NHSL2: variants seen among roughly 807,000 people sequenced by gnomAD.
The protein encoded by NHSL2 is NHS-like protein 2.
A neutral mutation model predicts 53.4 loss-of-function variants in NHSL2; 27 were observed. The ratio of observed to expected loss-of-function variants is 0.51; its 90% confidence interval spans 0.37 to 0.70. NHSL2 has a LOEUF of 0.70. Among genes scored for constraint, NHSL2 ranks in the 30% least tolerant of loss-of-function variants. NHSL2 has a pLI of 0.00. For synonymous variants in NHSL2, 408 were observed against 404.1 expected (o/e 1.01, Z -0.12); for missense variants, 892 against 980.1 (o/e 0.91, Z 1.20).
chrX:72,040,474 T>C (rs1025840786), intron 1 of NHSL2, among the ~76,000 whole-genome samples: 1 of 112,244 alleles, frequency 8.9e-6, no homozygotes, highest in African/African-American at 3.2e-5. Context: ...ACATTGAACC[T>C]CAGAGAGGTT....
chrX:72,075,694 A>G (rs899635650), intron 1 of NHSL2, among the ~76,000 whole-genome samples: 1 of 111,605 alleles, frequency 9.0e-6, no homozygotes, highest in Non-Finnish European at 1.9e-5. Flanking sequence ...AGTTGGAATT[A>G]ATAGTGCCTA....
At chrX:72,123,087 G>A (rs1192425502) in intron 1 of NHSL2, among the ~76,000 whole-genome samples, 10 of 112,088 alleles carry the variant, frequency 8.9e-5, no homozygotes, top group Admixed American at 8.5e-4. Flanking sequence ...AGGCAGTTTC[G>A]CGGAGGAAGT....
rs778956400 is a variant in NHSL2 at position 72,144,583 on chromosome X, GT to G, written c.*1010del. 9.9e-7 allele frequency: 1 copy of G among 1,012,903 alleles called. No homozygotes were observed. 83.5% of individuals were successfully genotyped at this position (1,012,903 alleles called of 1,213,427 possible). A position where few individuals can be genotyped will look rare whatever the true frequency, so the allele number is the denominator to read the frequency against. On this transcript the variant is annotated 3_prime_UTR_variant, in exon 8 of 8. Coordinates refer to ENST00000633930, the MANE Select transcript of NHSL2 (RefSeq NM_001013627.3). ...CACCAGTCAATTCAGATCGTGGTTT[GT>G]GGTTGGTTTGGTTTTGTTTAAAGGA...
In NHSL2 at chrX:72,139,173, C is replaced by T; in HGVS notation, c.1625C>T (p.Ser542Phe). Residue 542 changes from serine (S) to phenylalanine (F), a missense_variant, in exon 6 of 8, where the codon TCC becomes TTC. Transcript: ENST00000633930. ...AGTAACAGTGCTGACAACATTGCCT[C>T]CCTTAGTGCCCAGCAAGAGGCCCAG... ...EGSNSADNIASLSAQQEAQHR... is the reference protein window; with the variant it reads ...EGSNSADNIAFLSAQQEAQHR... 2 of 1,174,040 alleles carry T rather than the reference C, an allele frequency of 1.7e-6. No homozygotes were observed. Among genetic ancestry groups the T allele is most frequent in the Non-Finnish European group, 2.3e-6 (2 of 876,155 alleles).
At chrX:72,040,129 A>C (rs765083457) in intron 1 of NHSL2, among the ~76,000 whole-genome samples, 3 of 111,900 alleles carry the variant, frequency 2.7e-5, no homozygotes, top group Non-Finnish European at 3.8e-5. Flanking sequence ...AATTGAGTTT[A>C]TCTCTCTCTT....
intron 2 of NHSL2, among the ~76,000 whole-genome samples, chrX:72,133,368 T>C (rs1394384815): frequency 8.9e-6 from 1 of 112,407 alleles, no homozygotes; most frequent in Non-Finnish European, 1.9e-5. Flanking sequence ...TCTCTGTGAT[T>C]CTGAGTCTTT....
chrX:72,131,402 G>T (rs755664602), intron 1 of NHSL2: 3 of 1,211,196 alleles, frequency 2.5e-6, no homozygotes, highest in Non-Finnish European at 3.4e-6. Flanking sequence ...ACATTGCCCC[G>T]CAAGGAATTA....
intron 1 of NHSL2, among the ~76,000 whole-genome samples, chrX:72,002,954 T>C (rs2042077987): frequency 9.0e-6 from 1 of 111,036 alleles, no homozygotes; most frequent in Admixed American, 9.6e-5. Flanking sequence ...TGGAACCCAT[T>C]TGGTGAGTCA....
intron 1 of NHSL2, among the ~76,000 whole-genome samples, chrX:72,105,215 G>A (rs2042027960): frequency 9.1e-6 from 1 of 109,365 alleles, no homozygotes; most frequent in African/African-American, 3.3e-5. Flanking sequence ...TTGGAGAAGA[G>A]ACTCAACCGT....
intron 1 of NHSL2, among the ~76,000 whole-genome samples, chrX:71,978,072 C>T (rs72630026): frequency 0.15 from 16,971 of 111,580 alleles, 1,834 homozygotes; most frequent in African/African-American, 0.37. Flanking sequence ...AGAATAACAA[C>T]TCTATCATGG....
intron 1 of NHSL2, among the ~76,000 whole-genome samples, chrX:72,081,065 T>C (rs2041787756): frequency 8.9e-6 from 1 of 112,505 alleles, no homozygotes; most frequent in African/African-American, 3.2e-5. Flanking sequence ...ACTGAGTCCA[T>C]GCTGTGTCTC....
intron 1 of NHSL2, among the ~76,000 whole-genome samples, chrX:72,077,378 G>C (rs2041753260): frequency 1.8e-5 from 2 of 110,704 alleles, no homozygotes; most frequent in South Asian, 7.7e-4. Flanking sequence ...AGGGTACAGA[G>C]CGAGGTTGGA....
intron 1 of NHSL2, among the ~76,000 whole-genome samples, chrX:72,082,229 A>G (rs1438917513): frequency 1.8e-5 from 2 of 111,268 alleles, no homozygotes; most frequent in Non-Finnish European, 3.8e-5. Flanking sequence ...AGCCAGAGAG[A>G]AGAAAATGTA....
chrX:72,039,020 C>A (rs1265843666), intron 1 of NHSL2, among the ~76,000 whole-genome samples: 2 of 110,934 alleles, frequency 1.8e-5, no homozygotes, highest in East Asian at 2.8e-4. Context: ...ACCTTTTCTC[C>A]TCTGCTTTCC....
At chrX:72,009,407 C>A (rs1233031891) in intron 1 of NHSL2, among the ~76,000 whole-genome samples, 1 of 112,720 alleles carries the variant, frequency 8.9e-6, no homozygotes, top group African/African-American at 3.2e-5. Flanking sequence ...TTGATGCCAT[C>A]CACACAGGTC....
chrX:71,964,045 A>ATG (rs1282027192), intron 1 of NHSL2, among the ~76,000 whole-genome samples: 4,798 of 72,637 alleles, frequency 0.066, 729 homozygotes, highest in African/African-American at 0.2. Flanking sequence ...ATATATATGT[A>ATG]TATATATATA....
chrX:72,070,751 C>CCA (rs1202058969), intron 1 of NHSL2, among the ~76,000 whole-genome samples: 26 of 108,570 alleles, frequency 2.4e-4, no homozygotes, highest in Middle Eastern at 4.7e-3. Context: ...ACCACCACCA[C>CCA]CACACACACA....
rs748284764 is a variant in NHSL2 at position 71,975,797 on chromosome X, T to C, written c.280+64430T>C. On this transcript the variant is annotated intron_variant, in intron 1 of 7. Transcript: ENST00000633930. ...TCTGTCTCAGGGAGAAAGCTGCTGC[T>C]GGCCCTACCACTAGTATCCTGTGAG... 4.5e-5 allele frequency among the ~76,000 whole-genome samples: 5 copies of C among 112,022 alleles called. No homozygotes were observed. In the South Asian group the frequency reaches 1.5e-3, roughly 33 times the overall value.
intron 1 of NHSL2, among the ~76,000 whole-genome samples, chrX:72,018,171 G>T (rs1178353401): frequency 4.5e-5 from 5 of 111,841 alleles, no homozygotes; most frequent in Non-Finnish European, 7.5e-5. Context: ...TCTATGAGGT[G>T]GTCCAACCTA....
Sources: gnomAD v4.1 joint callset for allele counts (sites outside exome capture counted in the v4.1 genomes callset) on GRCh38, gnomAD v4.1.1 for gene constraint, MANE v1.5 for transcripts, NCBI Gene and HGNC (gene_info 2026-07-23, HGNC 2026-07-21) for gene names.